AGR3: variants seen among roughly 807,000 people sequenced by gnomAD.
AGR3 encodes the protein anterior gradient 3, protein disulphide isomerase family member, also known as anterior gradient protein 3.
In AGR3, 37 loss-of-function variants were observed where a neutral mutation model predicts 24.5. The ratio of observed to expected loss-of-function variants is 1.51; its 90% CI spans 1.16 to 1.99. AGR3 has a LOEUF of 1.99. Among genes scored for constraint, AGR3 ranks in the 30% most tolerant of loss-of-function variants. The pLI is 0.00. For synonymous variants in AGR3, 75 were observed against 61.6 expected (o/e 1.22, Z -1.02); for missense variants, 228 against 191.1 (o/e 1.19, Z -1.14).
Position 16,878,630 on chromosome 7 carries a change from ACT to A in AGR3, c.-14_-13del, listed in dbSNP as rs1475774186. 1.9e-6 allele frequency: 3 copies of A among 1,603,422 alleles called. No homozygotes were observed. Among genetic ancestry groups the A allele is most frequent in the Non-Finnish European group, 2.6e-6 (3 of 1,170,906 alleles). The stretch of plus-strand genomic sequence containing the variant: ...GAGTGTAGCATCATGTCTTCTAGAG[ACT>A]CTCTCAGAAGAAGCTAGATGACAGA... On this transcript the variant is annotated 5_prime_UTR_variant, in exon 2 of 8. Transcript: ENST00000310398.
At chr7:16,857,204 T>G (rs942104843), downstream of AGR3, among the ~76,000 whole-genome samples, 1 of 152,072 alleles carries the variant, frequency 6.6e-6, no homozygotes, top group Non-Finnish European at 1.5e-5. Context: ...AAGATTACAG[T>G]GACTAAAACT....
chr7:16,873,745 A>G (rs1781929296), intron 3 of AGR3, 35 bp downstream of exon 3: 3 of 1,510,638 alleles, frequency 2.0e-6, no homozygotes, highest in Admixed American at 3.4e-5. Context: ...TCTACTACAA[A>G]TAAAAGGAAA....
chr7:16,868,808 C>A (rs1781809587), intron 3 of AGR3, among the ~76,000 whole-genome samples: 1 of 152,152 alleles, frequency 6.6e-6, no homozygotes, highest in African/African-American at 2.4e-5. Flanking sequence ...AGGAGATAGG[C>A]TCTTTGGATA....
At chr7:16,867,341 C>G (rs1475739039) in intron 3 of AGR3, among the ~76,000 whole-genome samples, 2 of 152,062 alleles carry the variant, frequency 1.3e-5, no homozygotes, top group Non-Finnish European at 2.9e-5. Context: ...TAGTATCTAT[C>G]TATCTATGGA....
At chr7:16,879,145 A>G (rs1464090435) in intron 1 of AGR3, among the ~76,000 whole-genome samples, 1 of 152,262 alleles carries the variant, frequency 6.6e-6, no homozygotes, top group Non-Finnish European at 1.5e-5. Context: ...GAAAAATAGA[A>G]TATGGAGGAT....
intron 3 of AGR3, among the ~76,000 whole-genome samples, chr7:16,869,272 A>G (rs573921642): frequency 1.5e-4 from 23 of 152,264 alleles, no homozygotes; most frequent in African/African-American, 5.5e-4. Context: ...TGGTAAATTA[A>G]TCTCTGTGTT....
At position 16,863,056 on chromosome 7, in the gene AGR3, C is replaced by G. The variant is rs573463777; in HGVS notation, c.174-394G>C. Among the ~76,000 whole-genome samples, 20 of 152,200 alleles carry G rather than the reference C, an allele frequency of 1.3e-4. No individual in the cohort carries two copies. The South Asian group carries it at 4.1e-3, about 32-fold the overall frequency. On this transcript the variant is annotated intron_variant, in intron 3 of 7. Transcript: ENST00000310398. Reference sequence around the variant, plus strand: ...CTGCACTCCAGCCTGGGTGACAGAGCGAGACTCTGTCTCAAACAGACAAAC... The same window carrying G: ...CTGCACTCCAGCCTGGGTGACAGAGGGAGACTCTGTCTCAAACAGACAAAC...
At chr7:16,864,953 G>T in intron 3 of AGR3, 3 of 989,166 alleles carry the variant, frequency 3.0e-6, no homozygotes, top group East Asian at 4.7e-5. Flanking sequence ...TTTTGGTGAA[G>T]ATATAAATTA....
At chr7:16,860,415 G>T (rs954317506) in intron 7 of AGR3, 85 bp downstream of exon 7, 1 of 987,958 alleles carries the variant, frequency 1.0e-6, no homozygotes, top group Non-Finnish European at 1.6e-6. Flanking sequence ...GTGTGTAGAA[G>T]CACTGATGTA....
intron 2 of AGR3, among the ~76,000 whole-genome samples, chr7:16,878,055 G>A (rs1416982642): frequency 3.3e-5 from 5 of 151,674 alleles, no homozygotes; most frequent in Admixed American, 2.6e-4. Flanking sequence ...TAGTTACCCC[G>A]AATTCTCAGA....
At chr7:16,863,876 G>A (rs962997271) in intron 3 of AGR3, among the ~76,000 whole-genome samples, 4 of 151,706 alleles carry the variant, frequency 2.6e-5, no homozygotes, top group Admixed American at 1.3e-4. Context: ...AAGGCACGCA[G>A]TTTCTTTACA....
chr7:16,873,964 A>C, intron 2 of AGR3, 121 bp from the exon 3 acceptor site: 1 of 796,302 alleles, frequency 1.3e-6, no homozygotes, highest in Non-Finnish European at 2.1e-6. Flanking sequence ...CTGTTGGCTG[A>C]CATATGGTGC....
At chr7:16,876,892 C>T (rs1316451386) in intron 2 of AGR3, among the ~76,000 whole-genome samples, 1 of 152,134 alleles carries the variant, frequency 6.6e-6, no homozygotes, top group African/African-American at 2.4e-5. Context: ...CTGCTTAATG[C>T]AGACATGGAA....
At chr7:16,874,013 C>T (rs1260221647) in intron 2 of AGR3, among the ~76,000 whole-genome samples, 170 bp from the exon 3 acceptor site, 1 of 152,178 alleles carries the variant, frequency 6.6e-6, no homozygotes, top group Non-Finnish European at 1.5e-5. Flanking sequence ...GAGGTGATTT[C>T]CCTTTAGATT....
chr7:16,878,897 G>A (rs1411189490), intron 1 of AGR3, among the ~76,000 whole-genome samples: 2 of 152,188 alleles, frequency 1.3e-5, no homozygotes, highest in African/African-American at 4.8e-5. Flanking sequence ...AATTAAAAAA[G>A]AGCTGGATCA....
downstream of AGR3, among the ~76,000 whole-genome samples, chr7:16,856,812 CAT>C (rs1172684992): frequency 2.7e-5 from 4 of 150,638 alleles, no homozygotes; most frequent in Non-Finnish European, 1.5e-5. Flanking sequence ...TACACACACA[CAT>C]ACACACACAC....
intron 3 of AGR3, chr7:16,864,849 G>C (rs1020227780): frequency 2.3e-6 from 2 of 867,280 alleles, no homozygotes. Flanking sequence ...TGAGTAAAGA[G>C]CGTGTATTCC....
At position 16,880,440 on chromosome 7, in the gene AGR3, G is replaced by T. The variant is rs556229327; in HGVS notation, c.-28+1504C>A. ...CCTCCCAAAGTGCTGGGATTACAAG[G>T]GTGAGCTACATCGCCCGGACTCCTT... On this transcript the variant is annotated intron_variant, in intron 1 of 7. Coordinates refer to ENST00000310398, the MANE Select transcript of AGR3 (RefSeq NM_176813.5). Among the ~76,000 whole-genome samples the T allele has an allele frequency of 6.0e-5, 9 of 149,230 alleles. No individual in the cohort carries two copies. The South Asian group carries it at 1.9e-3, about 32-fold the overall frequency.
chr7:16,867,899 T>C (rs770886831), intron 3 of AGR3, among the ~76,000 whole-genome samples: 1 of 152,190 alleles, frequency 6.6e-6, no homozygotes, highest in Non-Finnish European at 1.5e-5. Context: ...CTGGATCATA[T>C]GGTAGTTCTA....
Sources: gnomAD v4.1 joint callset for allele counts (sites outside exome capture counted in the v4.1 genomes callset) on GRCh38, gnomAD v4.1.1 for gene constraint, MANE v1.5 for transcripts, NCBI Gene and HGNC (gene_info 2026-07-23, HGNC 2026-07-21) for gene names.